PTPRD: variants seen among roughly 807,000 people sequenced by gnomAD.
The protein encoded by PTPRD is protein tyrosine phosphatase receptor type D, also known as receptor-type tyrosine-protein phosphatase delta.
PTPRD carries 34 observed loss-of-function variants against 214.5 expected under a neutral mutation model. The observed-to-expected ratio is 0.16, with a 90% CI of 0.12 to 0.21. PTPRD has a LOEUF of 0.21. Ranked by LOEUF, PTPRD falls within the 10% of genes least tolerant of loss-of-function variation. The probability of loss-of-function intolerance (pLI) is 1.00; values close to 1 mark genes in which losing one functional copy is unlikely to be tolerated. For missense variants in PTPRD, 2,545 were observed against 2,398.7 expected, an observed-to-expected ratio of 1.06 and a Z score of -1.27; for synonymous variants, 1,128 against 845.7, an observed-to-expected ratio of 1.33 and a Z score of -5.79.
chr9:8,905,371 A>G (rs1250507639), intron 11 of PTPRD, among the ~76,000 whole-genome samples: 2 of 151,990 alleles, frequency 1.3e-5, no homozygotes, highest in African/African-American at 2.4e-5. Context: ...TGTGTACATT[A>G]TGGCCCTCCA....
intron 3 of PTPRD, among the ~76,000 whole-genome samples, chr9:10,251,759 C>G (rs2092792565): frequency 2.0e-5 from 3 of 152,034 alleles, no homozygotes; most frequent in Admixed American, 6.6e-5. Context: ...CGCAATGTGA[C>G]CTTGCAACTT....
rs1235057146 is a variant in PTPRD at position 8,929,905 on chromosome 9, A to G, written c.-104+88792T>C. ...TATGTGTGTGTATATATATGTGTATATATATGTGTGTGTATATATATATGT... is the reference window on the plus strand; with the variant it reads ...TATGTGTGTGTATATATATGTGTATGTATATGTGTGTGTATATATATATGT... On this transcript the variant is annotated intron_variant, in intron 11 of 45. Coordinates refer to ENST00000381196, the MANE Select transcript of PTPRD (RefSeq NM_002839.4). Among the ~76,000 whole-genome samples, 2 of 53,894 alleles carry G rather than the reference A, an allele frequency of 3.7e-5. 1 individual carries two copies. The highest frequency in any genetic ancestry group is 8.9e-5 in the African/African-American group (2 of 22,550). The allele number at this position is 53,894 out of a possible 152,430, so 35.4% of individuals were successfully genotyped here.
intron 9 of PTPRD, among the ~76,000 whole-genome samples, chr9:9,330,484 G>C (rs1277855595): frequency 6.6e-6 from 1 of 151,958 alleles, no homozygotes; most frequent in Non-Finnish European, 1.5e-5. Flanking sequence ...CAATTTTAAT[G>C]TATGGCCACA....
At chr9:8,750,996 CA>C (rs1433936941) in intron 11 of PTPRD, among the ~76,000 whole-genome samples, 1 of 152,158 alleles carries the variant, frequency 6.6e-6, no homozygotes, top group African/African-American at 2.4e-5. Context: ...TTTACTTGGA[CA>C]TAGCCATTAA....
At chr9:8,971,753 TTA>T (rs531277509) in intron 11 of PTPRD, among the ~76,000 whole-genome samples, 1 of 151,186 alleles carries the variant, frequency 6.6e-6, no homozygotes, top group African/African-American at 2.4e-5. Context: ...GTGGCAAGAA[TTA>T]TATATATATT....
chr9:8,520,453 C>T (rs1048630309), intron 20 of PTPRD, among the ~76,000 whole-genome samples: 1 of 152,164 alleles, frequency 6.6e-6, no homozygotes, highest in African/African-American at 2.4e-5. Flanking sequence ...GTACTTCTTA[C>T]TTGCTGCTGA....
At position 8,594,495 on chromosome 9, in the gene PTPRD, G is replaced by A. The variant is rs192543888; in HGVS notation, c.352+38822C>T. 6.6e-5 allele frequency among the ~76,000 whole-genome samples: 10 copies of A among 152,158 alleles called. No homozygotes were observed. In the East Asian group the frequency reaches 1.4e-3, roughly 21 times the overall value. On this transcript the variant is annotated intron_variant, in intron 14 of 45. Coordinates refer to ENST00000381196, the MANE Select transcript of PTPRD (RefSeq NM_002839.4). Reference sequence around the variant, plus strand: ...AAAAATCCACCTAATCATTTGATACGGTTTGGCTGTGTCCCCATCCAAATC... The same window carrying A: ...AAAAATCCACCTAATCATTTGATACAGTTTGGCTGTGTCCCCATCCAAATC...
At chr9:8,962,065 T>A (rs948823620) in intron 11 of PTPRD, 1 of 152,116 alleles carries the variant, frequency 6.6e-6, no homozygotes, top group Non-Finnish European at 1.5e-5. Flanking sequence ...TCTTTTACAT[T>A]GGAGCATGTA....
intron 2 of PTPRD, among the ~76,000 whole-genome samples, chr9:10,607,323 A>G (rs943318695): frequency 2.0e-5 from 3 of 151,878 alleles, no homozygotes; most frequent in Non-Finnish European, 4.4e-5. Context: ...CTAATTAGAG[A>G]GCAATTTGTT....
At chr9:9,294,197 T>A (rs116897294) in intron 9 of PTPRD, among the ~76,000 whole-genome samples, 1 of 151,706 alleles carries the variant, frequency 6.6e-6, no homozygotes, top group African/African-American at 2.4e-5. Context: ...GTAAAACTTA[T>A]GAATTGTTTA....
chr9:9,617,359 G>C (rs955159952), intron 7 of PTPRD, among the ~76,000 whole-genome samples: 2 of 152,116 alleles, frequency 1.3e-5, no homozygotes, highest in African/African-American at 2.4e-5. Context: ...ACCAACAGAA[G>C]AGCTGATTGT....
intron 43 of PTPRD, among the ~76,000 whole-genome samples, chr9:8,335,956 T>G (rs1021252966): frequency 2.6e-5 from 4 of 151,906 alleles, no homozygotes; most frequent in East Asian, 3.9e-4. Flanking sequence ...CTCAAGGAAA[T>G]AAGAGAGGAC....
chr9:8,612,432 T>C (rs2095483469), intron 14 of PTPRD, among the ~76,000 whole-genome samples: 1 of 152,132 alleles, frequency 6.6e-6, no homozygotes. Context: ...AGTGGAGGTG[T>C]TTGAGTGAAA....
chr9:9,424,638 C>T lies in PTPRD; in HGVS notation c.-236-27156G>A, dbSNP rs73644718. Among the ~76,000 whole-genome samples the T allele has an allele frequency of 4.5e-3, 689 of 152,138 alleles. 4 individuals carry two copies. Among genetic ancestry groups the T allele is most frequent in the African/African-American group, 0.016 (656 of 41,522 alleles). ...ACGGTGAAAGGCTAAGGGTGACTAA[C>T]TAAAATCAAAATTAATTAAAAACAA... On this transcript the variant is annotated intron_variant, in intron 8 of 45. Coordinates refer to ENST00000381196, the MANE Select transcript of PTPRD (RefSeq NM_002839.4).
intron 11 of PTPRD, among the ~76,000 whole-genome samples, chr9:8,762,856 G>T (rs2094493999): frequency 6.6e-6 from 1 of 152,140 alleles, no homozygotes; most frequent in African/African-American, 2.4e-5. Context: ...TTGCCTCCCA[G>T]CGGTGAGAAA....
chr9:9,528,699 A>G (rs982002583), intron 8 of PTPRD, among the ~76,000 whole-genome samples: 2 of 152,072 alleles, frequency 1.3e-5, no homozygotes, highest in African/African-American at 4.8e-5. Flanking sequence ...CAAAGAGAAA[A>G]TATTGAGGTA....
chr9:9,224,975 G>C (rs1055998944), intron 9 of PTPRD, among the ~76,000 whole-genome samples: 1 of 151,880 alleles, frequency 6.6e-6, no homozygotes, highest in African/African-American at 2.4e-5. Flanking sequence ...TGTTACTTTG[G>C]TGAATACTAA....
At chr9:8,769,316 T>A (rs1221047809) in intron 11 of PTPRD, among the ~76,000 whole-genome samples, 1 of 152,210 alleles carries the variant, frequency 6.6e-6, no homozygotes, top group Non-Finnish European at 1.5e-5. Context: ...TACAGTTTTG[T>A]AAACACTAGT....
At chr9:8,942,036 C>T (rs10816013) in intron 11 of PTPRD, among the ~76,000 whole-genome samples, 15,264 of 152,110 alleles carry the variant, frequency 0.1, 947 homozygotes, top group East Asian at 0.14. Context: ...CAATTCATGA[C>T]CTCAGGTGAT....
Sources: allele counts gnomAD v4.1 joint callset (sites outside exome capture counted in the v4.1 genomes callset), GRCh38; gene constraint gnomAD v4.1.1; transcripts MANE v1.5; gene names NCBI Gene and HGNC (gene_info 2026-07-23, HGNC 2026-07-21).